The following SYT16 variants were observed in gnomAD, a reference collection of about 807,000 sequenced individuals.
SYT16 encodes the protein synaptotagmin 16.
Under a neutral mutation model 61.4 loss-of-function variants are expected in SYT16, and 42 were observed. That is an observed-to-expected ratio of 0.68 (90% CI 0.53 to 0.89). SYT16 has a LOEUF of 0.89. Among genes scored for constraint, SYT16 ranks in the 40% least tolerant of loss-of-function variants. SYT16 has a pLI of 0.00. For missense variants in SYT16, 804 were observed against 807.3 expected (o/e 1.00, Z 0.05); for synonymous variants, 314 against 302.3 (o/e 1.04, Z -0.40).
intron 7 of SYT16, among the ~76,000 whole-genome samples, chr14:62,085,754 A>G (rs1290517522): frequency 6.6e-6 from 1 of 152,234 alleles, no homozygotes; most frequent in Non-Finnish European, 1.5e-5. Context: ...TTTATCAGCC[A>G]TATTCTATGT....
chr14:61,829,855 C>T (rs1377968822), intron 1 of SYT16, among the ~76,000 whole-genome samples: 3 of 151,940 alleles, frequency 2.0e-5, no homozygotes, highest in Admixed American at 6.6e-5. Flanking sequence ...GGGGTTTCAC[C>T]GTGTTAGCCA....
chr14:62,069,598 C>G lies in SYT16; in HGVS notation c.524-5C>G, dbSNP rs374082540. On this transcript the variant is annotated splice_region_variant and splice_polypyrimidine_tract_variant and intron_variant, in intron 3 of 7. Transcript: ENST00000683842. Reference sequence around the variant, plus strand: ...AGGAGACTCATGGCTCTTGTTTACTCCCAGTCAACAGCTTTGGGGATGACG... The same window carrying G: ...AGGAGACTCATGGCTCTTGTTTACTGCCAGTCAACAGCTTTGGGGATGACG... The G allele has an allele frequency of 6.2e-7, 1 of 1,613,452 alleles. No homozygotes were observed.
intron 1 of SYT16, among the ~76,000 whole-genome samples, chr14:61,834,934 C>T (rs2046076970): frequency 6.6e-6 from 1 of 152,184 alleles, no homozygotes; most frequent in South Asian, 2.1e-4. Flanking sequence ...TAAAACCAGG[C>T]ATGTGTTTGG....
At chr14:62,048,122 G>T (rs1325371124) in intron 3 of SYT16, among the ~76,000 whole-genome samples, 2 of 152,074 alleles carry the variant, frequency 1.3e-5, no homozygotes, top group Non-Finnish European at 2.9e-5. Context: ...TTTTTTGGTT[G>T]GTAAGCTATT....
rs1382456754 is a variant in SYT16 at position 62,111,713 on chromosome 14, A to G, written c.*11006A>G. ...GGCATTTTCAGACCTGGATGCTATTATAGTTCCTCCTCTAGTTTTCCAGTA... is the reference window on the plus strand; with the variant it reads ...GGCATTTTCAGACCTGGATGCTATTGTAGTTCCTCCTCTAGTTTTCCAGTA... On this transcript the variant is annotated 3_prime_UTR_variant, in exon 8 of 8. Coordinates refer to ENST00000683842, the MANE Select transcript of SYT16 (RefSeq NM_001367656.1). 1 of 152,050 alleles carries G rather than the reference A, an allele frequency of 6.6e-6. No individual in the cohort carries two copies. Among genetic ancestry groups the G allele is most frequent in the East Asian group, 1.9e-4 (1 of 5,194 alleles). The allele number at this position is 152,050 out of a possible 1,614,324, so 9.4% of individuals were successfully genotyped here. A position where few individuals can be genotyped will look rare whatever the true frequency, so the allele number is the denominator to read the frequency against.
chr14:61,884,156 A>G (rs1224942093), intron 1 of SYT16, among the ~76,000 whole-genome samples: 1 of 152,184 alleles, frequency 6.6e-6, no homozygotes, highest in Admixed American at 6.5e-5. Flanking sequence ...GTTTTTCTGC[A>G]CCTACCTTTT....
intron 1 of SYT16, among the ~76,000 whole-genome samples, chr14:61,949,760 G>C (rs566434435): frequency 2.6e-5 from 4 of 152,136 alleles, no homozygotes; most frequent in Non-Finnish European, 4.4e-5. Context: ...GAATGATCTC[G>C]GTTAACCCAT....
chr14:61,879,789 C>T (rs981995232), intron 1 of SYT16, among the ~76,000 whole-genome samples: 1 of 152,184 alleles, frequency 6.6e-6, no homozygotes, highest in African/African-American at 2.4e-5. Flanking sequence ...CATAATTGTG[C>T]TCAGTGATCT....
rs183422295 is a variant in SYT16 at position 61,837,533 on chromosome 14, A to C, written c.-325+24723A>C. Among the ~76,000 whole-genome samples, 324 of 152,252 alleles carry C rather than the reference A, an allele frequency of 2.1e-3. 1 individual carries two copies. Among genetic ancestry groups the C allele is most frequent in the African/African-American group, 7.5e-3 (313 of 41,556 alleles). On this transcript the variant is annotated intron_variant, in intron 1 of 7. Coordinates refer to ENST00000683842, the MANE Select transcript of SYT16 (RefSeq NM_001367656.1). ...TGATTACAGGCGTGAGCTGCCGTGCAGCTGAGGCTGATCTTGGAGCTGGGG... is the reference window on the plus strand; with the variant it reads ...TGATTACAGGCGTGAGCTGCCGTGCCGCTGAGGCTGATCTTGGAGCTGGGG...
intron 5 of SYT16, among the ~76,000 whole-genome samples, chr14:62,075,958 A>G (rs1275452516): frequency 6.6e-6 from 1 of 152,252 alleles, no homozygotes; most frequent in Non-Finnish European, 1.5e-5. Flanking sequence ...ATTAATCAGT[A>G]ATGCCCCTCT....
intron 3 of SYT16, among the ~76,000 whole-genome samples, chr14:62,044,142 G>A (rs980204525): frequency 6.6e-6 from 1 of 151,598 alleles, no homozygotes; most frequent in African/African-American, 2.4e-5. Context: ...TGAGGCTGCA[G>A]TGAGCTATGA....
At chr14:62,099,163 G>C (rs2057354737) in intron 7 of SYT16, among the ~76,000 whole-genome samples, 1 of 151,940 alleles carries the variant, frequency 6.6e-6, no homozygotes, top group Admixed American at 6.5e-5. Context: ...TGAAGACTTT[G>C]TTTGTGTTTA....
intron 3 of SYT16, among the ~76,000 whole-genome samples, chr14:62,032,822 C>CT (rs962791553): frequency 1.2e-4 from 18 of 150,758 alleles, no homozygotes; most frequent in African/African-American, 1.9e-4. Flanking sequence ...TAAACACAAT[C>CT]TTTTTTTTTG....
intron 1 of SYT16, among the ~76,000 whole-genome samples, chr14:61,904,516 G>T (rs149080663): frequency 2.6e-5 from 4 of 152,338 alleles, no homozygotes; most frequent in African/African-American, 9.6e-5. Flanking sequence ...ACGAAGAGCT[G>T]TGAGTGCTGG....
chr14:61,944,234 G>C (rs554018344), intron 1 of SYT16, among the ~76,000 whole-genome samples: 171 of 152,204 alleles, frequency 1.1e-3, no homozygotes, highest in African/African-American at 3.8e-3. Context: ...AAATAAGAGA[G>C]GACACAAACA....
At position 61,820,192 on chromosome 14, in the gene SYT16, T is replaced by A. The variant is rs1056165111; in HGVS notation, c.-325+7382T>A. Reference sequence around the variant, plus strand: ...GTAATAATCATGTTTTCTTCCCCAATGTTTATTGTTTTGTGCAAGTGTACT... The same window carrying A: ...GTAATAATCATGTTTTCTTCCCCAAAGTTTATTGTTTTGTGCAAGTGTACT... On this transcript the variant is annotated intron_variant, in intron 1 of 7. Coordinates refer to ENST00000683842, the MANE Select transcript of SYT16 (RefSeq NM_001367656.1). 5.3e-5 allele frequency among the ~76,000 whole-genome samples: 8 copies of A among 152,372 alleles called. No homozygotes were observed. In the South Asian group the frequency reaches 1.7e-3, roughly 32 times the overall value.
intron 6 of SYT16, among the ~76,000 whole-genome samples, chr14:62,083,446 C>T (rs575569755): frequency 1.3e-5 from 2 of 152,196 alleles, no homozygotes; most frequent in South Asian, 2.1e-4. Context: ...CTCCTCCTCC[C>T]GATGTGCCCG....
intron 1 of SYT16, among the ~76,000 whole-genome samples, chr14:61,840,274 C>T (rs143555157): frequency 6.6e-6 from 1 of 152,156 alleles, no homozygotes; most frequent in African/African-American, 2.4e-5. Flanking sequence ...AGGCAAGGTG[C>T]GCTATTGGAA....
Position 62,112,396 on chromosome 14 carries a change from TTAAAAC to T in SYT16, c.*11690_*11695del, listed in dbSNP as rs2057623566. ...AGGATAAATTCTAATTGCTTTTTGT[TTAAAAC>T]AGAAACATAGAAGAAGCATTAGCCC... On this transcript the variant is annotated 3_prime_UTR_variant, in exon 8 of 8. Coordinates refer to ENST00000683842, the MANE Select transcript of SYT16 (RefSeq NM_001367656.1). 1 of 152,158 alleles carries T rather than the reference TTAAAAC, an allele frequency of 6.6e-6. No individual in the cohort carries two copies. Among genetic ancestry groups the T allele is most frequent in the African/African-American group, 2.4e-5 (1 of 41,446 alleles). 9.4% of individuals were successfully genotyped at this position (152,158 alleles called of 1,614,324 possible). A position where few individuals can be genotyped will look rare whatever the true frequency, so the allele number is the denominator to read the frequency against.
Sources: allele counts gnomAD v4.1 joint callset (sites outside exome capture counted in the v4.1 genomes callset), GRCh38; gene constraint gnomAD v4.1.1; transcripts MANE v1.5; gene names NCBI Gene and HGNC (gene_info 2026-07-23, HGNC 2026-07-21).